Variants in CRACD observed in about 807,000 individuals in gnomAD.
CRACD encodes capping protein-inhibiting regulator of actin dynamics.
In CRACD, 56 loss-of-function variants were observed where a neutral mutation model predicts 106.8. That is an observed-to-expected ratio of 0.52 (90% CI 0.42 to 0.66). The LOEUF is 0.66. Ranked by LOEUF, CRACD falls within the 30% of genes least tolerant of loss-of-function variation. The pLI, the probability that CRACD is intolerant of heterozygous loss-of-function variation, is 0.00. For synonymous variants in CRACD, 754 were observed against 670.8 expected (o/e 1.12, Z -1.92); for missense variants, 1,730 against 1,623.2 (o/e 1.07, Z -1.13).
At chr4:56,266,070 G>GA (rs58121402) in intron 2 of CRACD, among the ~76,000 whole-genome samples, 39,342 of 146,872 alleles carry the variant, frequency 0.27, 5,236 homozygotes, top group African/African-American at 0.28. Flanking sequence ...TTTTTTAAAT[G>GA]AAAAAAAAAA....
intron 2 of CRACD, among the ~76,000 whole-genome samples, chr4:56,247,756 G>C (rs1740766872): frequency 1.3e-5 from 2 of 151,950 alleles, no homozygotes; most frequent in Admixed American, 1.3e-4. Flanking sequence ...TGAGGCAGGA[G>C]AATCACATGA....
intron 1 of CRACD, among the ~76,000 whole-genome samples, chr4:56,075,975 G>GA (rs541817577): frequency 6.6e-6 from 1 of 151,732 alleles, no homozygotes; most frequent in East Asian, 1.9e-4. Context: ...AGCTGATTAG[G>GA]AAAAAAAAGT....
chr4:56,109,964 C>A (rs966645391), intron 1 of CRACD, among the ~76,000 whole-genome samples: 2 of 151,940 alleles, frequency 1.3e-5, no homozygotes, highest in East Asian at 3.8e-4. Context: ...CAAGGACATG[C>A]ATTTTATATT....
rs373735999 is a variant in CRACD at position 56,204,062 on chromosome 4, A to C, written c.-189+24632A>C. Among the ~76,000 whole-genome samples, 23 of 152,364 alleles carry C rather than the reference A, an allele frequency of 1.5e-4. No individual in the cohort carries two copies. The East Asian group carries it at 3.9e-3, about 26-fold the overall frequency. On this transcript the variant is annotated intron_variant, in intron 2 of 10. Transcript: ENST00000682029. The stretch of plus-strand genomic sequence containing the variant: ...GATGGACACAGCCCTGTGCTGGGGC[A>C]TGTAGCTGGCACTTGGTGAATGGCA...
intron 3 of CRACD, among the ~76,000 whole-genome samples, chr4:56,278,354 T>TA (rs1742795309): frequency 6.6e-6 from 1 of 152,182 alleles, no homozygotes; most frequent in South Asian, 2.1e-4. Context: ...AATAAACTCT[T>TA]ACGTTTGTGG....
rs11133436 is a variant in CRACD at position 56,328,157 on chromosome 4, A to G, written c.*353A>G. The G allele has an allele frequency of 4.1e-4, 156 of 381,720 alleles. 5 individuals carry two copies. Among genetic ancestry groups the G allele is most frequent in the South Asian group, 3.3e-3 (153 of 47,056 alleles). 23.6% of individuals were successfully genotyped at this position (381,720 alleles called of 1,614,324 possible). On this transcript the variant is annotated 3_prime_UTR_variant, in exon 11 of 11. Transcript: ENST00000682029. ...CCATTCAGAACATGTACTTTTGCCA[A>G]CCTTTGGTAATGGTTTTTTGATTCT...
At chr4:56,176,431 C>CTTTTTTTT (rs3036818) in intron 1 of CRACD, among the ~76,000 whole-genome samples, 2 of 137,230 alleles carry the variant, frequency 1.5e-5, no homozygotes, top group Non-Finnish European at 1.5e-5. Context: ...CTTCCAATTT[C>CTTTTTTTT]TTTTTTTTTT....
chr4:56,213,827 A>G (rs927764685), intron 2 of CRACD, among the ~76,000 whole-genome samples: 7 of 152,252 alleles, frequency 4.6e-5, no homozygotes, highest in Non-Finnish European at 1.0e-4. Context: ...ACAGTTTACT[A>G]TGGAGAAACC....
In CRACD at chr4:56,314,668, C is replaced by G. The variant is rs779671912; in HGVS notation, c.1166C>G (p.Thr389Ser). The stretch of plus-strand genomic sequence containing the variant: ...GGGCCGCCCGAGGCGTTGGAGGAGA[C>G]TGGGGAGGGCCGGCGGGGCGCGGAG... The part of the protein sequence containing the change: ...VQGPPEALEE[T>S]GEGRRGAEEE... The change falls in exon 8 of 11, where the codon ACT becomes AGT. Residue 389 changes from threonine (T) to serine (S), a missense_variant. Thr to Ser is a moderately conservative substitution (Grantham distance 58). This residue lies in a region of CRACD where 1,620 missense variants were observed against 1,481.6 expected (regional missense o/e 1.09). Transcript: ENST00000682029. This position sits in a 1 kb window ranked among gnomAD's most constrained non-coding sequence, Gnocchi z 4.4. 1.3e-6 allele frequency: 2 copies of G among 1,548,554 alleles called. No individual in the cohort carries two copies. The highest frequency in any genetic ancestry group is 2.4e-5 in the South Asian group (2 of 83,924).
In CRACD at chr4:56,207,376, G is replaced by T. The variant is rs1239313749; in HGVS notation, c.-189+27946G>T. Among the ~76,000 whole-genome samples the T allele has an allele frequency of 2.0e-5, 3 of 152,272 alleles. 1 individual carries two copies. In the East Asian group the frequency reaches 5.8e-4, roughly 29 times the overall value. On this transcript the variant is annotated intron_variant, in intron 2 of 10. Transcript: ENST00000682029. Reference sequence around the variant, plus strand: ...CATTGCTTCATTTACTCCAAACCATGGAGAAAGAGACCTAACATGTGCTGC... The same window carrying T: ...CATTGCTTCATTTACTCCAAACCATTGAGAAAGAGACCTAACATGTGCTGC...
At chr4:56,167,696 C>T (rs940603805) in intron 1 of CRACD, among the ~76,000 whole-genome samples, 1 of 152,140 alleles carries the variant, frequency 6.6e-6, no homozygotes, top group African/African-American at 2.4e-5. Flanking sequence ...GATAGGATTT[C>T]CCTCTTTTCA....
At chr4:56,170,224 C>G (rs1419880312) in intron 1 of CRACD, 1 of 152,242 alleles carries the variant, frequency 6.6e-6, no homozygotes, top group Non-Finnish European at 1.5e-5. Flanking sequence ...TGGAGTAATC[C>G]TGGTAGAATC....
intron 1 of CRACD, among the ~76,000 whole-genome samples, chr4:56,077,188 A>G (rs1577948098): frequency 6.6e-6 from 1 of 152,236 alleles, no homozygotes; most frequent in Non-Finnish European, 1.5e-5. Flanking sequence ...GAGAGGCCTC[A>G]GGAAACTTAC....
At chr4:56,109,119 G>A (rs1734040126) in intron 1 of CRACD, among the ~76,000 whole-genome samples, 1 of 152,208 alleles carries the variant, frequency 6.6e-6, no homozygotes, top group Non-Finnish European at 1.5e-5. Flanking sequence ...GAGCCCTCAA[G>A]CGGCCCTTAT....
intron 1 of CRACD, among the ~76,000 whole-genome samples, chr4:56,099,804 TCTCTGTTAG>T (rs1265289372): frequency 3.3e-5 from 5 of 152,202 alleles, no homozygotes; most frequent in Non-Finnish European, 7.3e-5. Context: ...CTGCGACATC[TCTCTGTTAG>T]CAGACACCAT....
chr4:56,072,649 A>G (rs542656139), intron 1 of CRACD, among the ~76,000 whole-genome samples: 1 of 151,982 alleles, frequency 6.6e-6, no homozygotes, highest in South Asian at 2.1e-4. Context: ...ATACATGTGC[A>G]GAACGTCCAG....
chr4:56,125,834 C>A (rs532395895), intron 1 of CRACD, among the ~76,000 whole-genome samples: 3 of 140,492 alleles, frequency 2.1e-5, no homozygotes, highest in Non-Finnish European at 3.0e-5. Flanking sequence ...TGCAATGGCA[C>A]GATCTTGGCT....
intron 2 of CRACD, among the ~76,000 whole-genome samples, chr4:56,214,073 T>C (rs1003563248): frequency 1.3e-5 from 2 of 152,122 alleles, no homozygotes; most frequent in African/African-American, 4.8e-5. Flanking sequence ...TTTAACAAAA[T>C]ACCATCCTGG....
Position 56,307,687 on chromosome 4 carries a change from C to G in CRACD, c.273C>G (p.Asp91Glu). The change falls in exon 5 of 11, where the codon GAC becomes GAG. Residue 91 changes from aspartate to glutamate, a missense_variant. By Grantham distance (45) the Asp-to-Glu change is conservative. Around this residue, in one of 5 missense-constraint regions of CRACD, gnomAD observed 1,620 missense variants for 1,481.6 expected, o/e 1.09. Coordinates refer to ENST00000682029, the MANE Select transcript of CRACD (RefSeq NM_001393381.1). ...IVTQQDIVLS[D>E]AENKSSDTPS... ...CTCAGCAGGACATCGTCCTCTCAGA[C>G]GCAGAGAACAAGGTAAGTCTCCTCC... is the stretch of plus-strand genomic sequence containing the variant. 6.2e-7 allele frequency: 1 copy of G among 1,614,088 alleles called. No homozygotes were observed. The highest frequency in any genetic ancestry group is 8.5e-7 in the Non-Finnish European group (1 of 1,180,022).
Sources: gnomAD v4.1 joint callset for allele counts (sites outside exome capture counted in the v4.1 genomes callset) on GRCh38, gnomAD v4.1.1 for gene constraint, gnomAD v4.1.1 regional missense constraint, Gnocchi (gnomAD v3.1) non-coding constraint, MANE v1.5 for transcripts, NCBI Gene and HGNC (gene_info 2026-07-23, HGNC 2026-07-21) for gene names.